PCDHGB2: variants seen among roughly 807,000 people sequenced by gnomAD.
PCDHGB2 encodes protocadherin gamma subfamily B, 2.
PCDHGB2 carries 55 observed loss-of-function variants against 59.3 expected under a neutral mutation model. The observed-to-expected ratio is 0.93, with a 90% CI of 0.75 to 1.16. PCDHGB2 has a LOEUF of 1.16. Ranked by LOEUF, PCDHGB2 falls within the 50% of genes most tolerant of loss-of-function variation. The probability of loss-of-function intolerance (pLI) is 0.00; values close to 1 mark genes in which losing one functional copy is unlikely to be tolerated. For synonymous variants in PCDHGB2, 516 were observed against 512.0 expected, an observed-to-expected ratio of 1.01 and a Z score of -0.11; for missense variants, 1,228 against 1,198.5, an observed-to-expected ratio of 1.02 and a Z score of -0.36.
intron 1 of PCDHGB2, chr5:141,415,390 G>A (rs1191160575): frequency 1.2e-6 from 2 of 1,614,224 alleles, no homozygotes; most frequent in South Asian, 2.2e-5. Flanking sequence ...CTTGACAGGT[G>A]TGTCCGGCTC....
intron 1 of PCDHGB2, among the ~76,000 whole-genome samples, chr5:141,369,619 C>T (rs1197396001): frequency 6.6e-6 from 1 of 152,170 alleles, no homozygotes; most frequent in African/African-American, 2.4e-5. Context: ...CAATCATTTC[C>T]TCATTACCTT....
In PCDHGB2 at chr5:141,394,367, A is replaced by G. The variant is rs201573539; in HGVS notation, c.2421+31811A>G. 248 of 1,614,150 alleles carry G rather than the reference A, an allele frequency of 1.5e-4. 1 individual carries two copies. Among genetic ancestry groups the G allele is most frequent in the Middle Eastern group, 1.2e-3 (7 of 6,062 alleles). The stretch of plus-strand genomic sequence containing the variant: ...ACACCGGTGTCCTGTATGCGCTGCA[A>G]TCTTTCGACTATGAGCAGATCCGAG... On this transcript the variant is annotated intron_variant, in intron 1 of 3. Coordinates refer to ENST00000522605, the MANE Select transcript of PCDHGB2 (RefSeq NM_018923.3).
Position 141,477,779 on chromosome 5 carries a change from A to G in PCDHGB2, c.2422-17028A>G, listed in dbSNP as rs781567883. ...CCTAGCCACCAACATCAGCGTGAAC[A>G]TATTTGTCACTGATCGCAATGACAA... On this transcript the variant is annotated intron_variant, in intron 1 of 3. Coordinates refer to ENST00000522605, the MANE Select transcript of PCDHGB2 (RefSeq NM_018923.3). This position sits in a 1 kb window ranked among gnomAD's most constrained non-coding sequence, Gnocchi z 4.9. 5.6e-6 allele frequency: 9 copies of G among 1,613,894 alleles called. No homozygotes were observed. Among genetic ancestry groups the G allele is most frequent in the South Asian group, 5.5e-5 (5 of 91,084 alleles).
rs934674909 is a variant in PCDHGB2, at chr5:141,511,083, A to C, written c.2706A>C (p.Thr902=). Residue 902 remains threonine, a synonymous_variant, in exon 4 of 4, where the codon ACA becomes ACC. Transcript: ENST00000522605. The part of the protein sequence containing the change: ...QNVYIPGSNA[T]LTNAAGKRDG... Reference sequence around the variant, plus strand: ...TCTACATCCCAGGCAGCAATGCCACACTGACCAACGCAGCTGGCAAGCGGG... The same window carrying C: ...TCTACATCCCAGGCAGCAATGCCACCCTGACCAACGCAGCTGGCAAGCGGG... 1.2e-6 allele frequency: 2 copies of C among 1,614,108 alleles called. No homozygotes were observed. Among genetic ancestry groups the C allele is most frequent in the African/African-American group, 2.7e-5 (2 of 74,940 alleles).
chr5:141,433,849 A>C (rs116534867), intron 1 of PCDHGB2, among the ~76,000 whole-genome samples: 2,948 of 152,020 alleles, frequency 0.019, 43 homozygotes, highest in African/African-American at 0.028. Context: ...AAAAAAAAAA[A>C]AAAAAACTTT....
chr5:141,458,549 T>A (rs2098948402), intron 1 of PCDHGB2, among the ~76,000 whole-genome samples: 1 of 148,072 alleles, frequency 6.8e-6, no homozygotes, highest in African/African-American at 2.6e-5. Flanking sequence ...ATTTTGTTTG[T>A]TTGTTTTGGT....
chr5:141,396,908 C>CA (rs1453541436), intron 1 of PCDHGB2, among the ~76,000 whole-genome samples: 1 of 152,146 alleles, frequency 6.6e-6, no homozygotes, highest in African/African-American at 2.4e-5. Flanking sequence ...TGGCACTTTG[C>CA]AATTTTAAAA....
chr5:141,504,786 C>T (rs568185327), intron 2 of PCDHGB2, among the ~76,000 whole-genome samples: 1 of 152,132 alleles, frequency 6.6e-6, no homozygotes, highest in Non-Finnish European at 1.5e-5. Flanking sequence ...TCTCTTGGGG[C>T]CTCCTACATC....
Position 141,494,815 on chromosome 5 carries a change from G to A in PCDHGB2, c.2430G>A (p.Pro810=), listed in dbSNP as rs765344906. 1 of 1,613,976 alleles carries A rather than the reference G, an allele frequency of 6.2e-7. No homozygotes were observed. Among genetic ancestry groups the A allele is most frequent in the South Asian group, 1.1e-5 (1 of 91,072 alleles). ...FASDTILKQA[P]PNTDWRFSQA... The stretch of plus-strand genomic sequence containing the variant: ...CTCTGTTTTCTCCACAGCAAGCCCC[G>A]CCCAACACGGACTGGCGTTTCTCTC... The change falls in exon 2 of 4, where the codon CCG becomes CCA. Residue 810 remains proline, a synonymous_variant. Transcript: ENST00000522605.
Position 141,476,819 on chromosome 5 carries a change from C to T in PCDHGB2, c.2422-17988C>T. ...CAGCCTGCCTATTCACATCAAGGTGCTGGACGCGAATGACAATGCGCCTGT... is the reference window on the plus strand; with the variant it reads ...CAGCCTGCCTATTCACATCAAGGTGTTGGACGCGAATGACAATGCGCCTGT... On this transcript the variant is annotated intron_variant, in intron 1 of 3. Coordinates refer to ENST00000522605, the MANE Select transcript of PCDHGB2 (RefSeq NM_018923.3). The surrounding 1 kb of genome is among the most constrained non-coding windows in gnomAD (Gnocchi z 7.6). 6.2e-7 allele frequency: 1 copy of T among 1,613,524 alleles called. No homozygotes were observed. The highest frequency in any genetic ancestry group is 8.5e-7 in the Non-Finnish European group (1 of 1,180,036).
At chr5:141,472,176 G>C (rs1416695177) in intron 1 of PCDHGB2, among the ~76,000 whole-genome samples, 3 of 152,144 alleles carry the variant, frequency 2.0e-5, no homozygotes, top group Non-Finnish European at 2.9e-5. Context: ...GTAATATCCA[G>C]TATTGGAATT....
In PCDHGB2 at chr5:141,491,835, G is replaced by C; in HGVS notation, c.2422-2972G>C. On this transcript the variant is annotated intron_variant, in intron 1 of 3. Coordinates refer to ENST00000522605, the MANE Select transcript of PCDHGB2 (RefSeq NM_018923.3). The surrounding 1 kb of genome is among the most constrained non-coding windows in gnomAD (Gnocchi z 6.9). The stretch of plus-strand genomic sequence containing the variant: ...GCTGGCTGCGCTCCACCCGATTCTC[G>C]GGATCATTGGACCGTTTGCGCGAAA... 1 of 1,473,258 alleles carries C rather than the reference G, an allele frequency of 6.8e-7. No individual in the cohort carries two copies. The highest frequency in any genetic ancestry group is 9.0e-7 in the Non-Finnish European group (1 of 1,112,098). The allele number at this position is 1,473,258 out of a possible 1,614,324, so 91.3% of individuals were successfully genotyped here.
At chr5:141,375,572 CA>C in intron 1 of PCDHGB2, 2 of 1,614,102 alleles carry the variant, frequency 1.2e-6, no homozygotes, top group Non-Finnish European at 1.7e-6. Flanking sequence ...AGACACCCTC[CA>C]GGGGGCGCCC....
Position 141,483,626 on chromosome 5 carries a change from G to A in PCDHGB2, c.2422-11181G>A, listed in dbSNP as rs112905417. On this transcript the variant is annotated intron_variant, in intron 1 of 3. Coordinates refer to ENST00000522605, the MANE Select transcript of PCDHGB2 (RefSeq NM_018923.3). ...TTACACCTCCATCATTCCCATGGGA[G>A]AAGGTATAGAGGGGTGTGTGTTTGT... Among the ~76,000 whole-genome samples the A allele has an allele frequency of 6.0e-4, 90 of 150,886 alleles. 1 individual carries two copies. The highest frequency in any genetic ancestry group is 1.7e-3 in the African/African-American group (69 of 40,378).
At position 141,486,602 on chromosome 5, in the gene PCDHGB2, C is replaced by T; in HGVS notation, c.2422-8205C>T. The stretch of plus-strand genomic sequence containing the variant: ...TCGCCCAGGGGACCTGCTTTGCTCC[C>T]TTGCAGCCTCTGACCCAGACTCTGG... On this transcript the variant is annotated intron_variant, in intron 1 of 3. Transcript: ENST00000522605. The surrounding 1 kb of genome is among the most constrained non-coding windows in gnomAD (Gnocchi z 5.0). 6.2e-7 allele frequency: 1 copy of T among 1,613,572 alleles called. No homozygotes were observed. Among genetic ancestry groups the T allele is most frequent in the Non-Finnish European group, 8.5e-7 (1 of 1,180,026 alleles).
chr5:141,394,208 C>A (rs972602841), intron 1 of PCDHGB2: 6 of 1,613,930 alleles, frequency 3.7e-6, no homozygotes, highest in Non-Finnish European at 5.1e-6. Context: ...TAGAGAACAA[C>A]CTGAGAGGAG....
rs979237199 is a variant in PCDHGB2, at chr5:141,477,828, G to C, written c.2422-16979G>C. On this transcript the variant is annotated intron_variant, in intron 1 of 3. Transcript: ENST00000522605. This position sits in a 1 kb window ranked among gnomAD's most constrained non-coding sequence, Gnocchi z 4.9. Reference sequence around the variant, plus strand: ...AATGCCCCCCAGGTCCTATATCCTCGGCCAGGTGGGAGCTCGGTGGAGATG... The same window carrying C: ...AATGCCCCCCAGGTCCTATATCCTCCGCCAGGTGGGAGCTCGGTGGAGATG... The C allele has an allele frequency of 3.7e-6, 6 of 1,614,082 alleles. No individual in the cohort carries two copies. The highest frequency in any genetic ancestry group is 3.4e-6 in the Non-Finnish European group (4 of 1,180,006).
rs374200575 is a variant in PCDHGB2 at position 141,432,105 on chromosome 5, C to G, written c.2422-62702C>G. On this transcript the variant is annotated intron_variant, in intron 1 of 3. Transcript: ENST00000522605. This position sits in a 1 kb window ranked among gnomAD's most constrained non-coding sequence, Gnocchi z 6.0. The stretch of plus-strand genomic sequence containing the variant: ...AACGTGGCAGACACCAACGACAACC[C>G]GCCGGTCTTCCCTCAGGCCTCCTAT... 1.2e-6 allele frequency: 2 copies of G among 1,614,172 alleles called. No individual in the cohort carries two copies. Among genetic ancestry groups the G allele is most frequent in the Non-Finnish European group, 1.7e-6 (2 of 1,180,034 alleles).
chr5:141,372,867 T>A, intron 1 of PCDHGB2: 1 of 1,387,652 alleles, frequency 7.2e-7, no homozygotes, highest in Non-Finnish European at 9.7e-7. Context: ...TTCATTGATT[T>A]AGAGATAAAA....
Sources: gnomAD v4.1 joint callset for allele counts (sites outside exome capture counted in the v4.1 genomes callset) on GRCh38, gnomAD v4.1.1 for gene constraint, Gnocchi (gnomAD v3.1) non-coding constraint, MANE v1.5 for transcripts, NCBI Gene and HGNC (gene_info 2026-07-23, HGNC 2026-07-21) for gene names.